The following CCSER1 variants were observed in gnomAD, a reference collection of about 807,000 sequenced individuals.
The protein encoded by CCSER1 is coiled-coil serine rich protein 1.
Under a neutral mutation model 82.0 loss-of-function variants are expected in CCSER1, and 41 were observed. The observed-to-expected ratio is 0.50, with a 90% CI of 0.39 to 0.65. The LOEUF (loss-of-function observed/expected upper bound fraction) is 0.65. CCSER1 is among the 30% of genes least tolerant of loss of function. The probability of loss-of-function intolerance (pLI) is 0.00; values close to 1 mark genes in which losing one functional copy is unlikely to be tolerated. For missense variants in CCSER1, 1,119 were observed against 1,064.2 expected, an observed-to-expected ratio of 1.05 and a Z score of -0.72; for synonymous variants, 414 against 383.9, an observed-to-expected ratio of 1.08 and a Z score of -0.92.
intron 3 of CCSER1, among the ~76,000 whole-genome samples, chr4:90,385,195 G>A (rs1234222789): frequency 6.6e-6 from 1 of 152,042 alleles, no homozygotes; most frequent in Non-Finnish European, 1.5e-5. Flanking sequence ...AAAAATATAA[G>A]TGCAGGTGTC....
intron 1 of CCSER1, among the ~76,000 whole-genome samples, chr4:90,306,271 A>AT (rs1044969541): frequency 1.3e-5 from 2 of 152,160 alleles, no homozygotes; most frequent in African/African-American, 4.8e-5. Flanking sequence ...TTAGAGGTTG[A>AT]TTCGACAGCA....
At chr4:91,342,118 C>T (rs940001122) in intron 10 of CCSER1, among the ~76,000 whole-genome samples, 4 of 152,132 alleles carry the variant, frequency 2.6e-5, no homozygotes, top group African/African-American at 4.8e-5. Flanking sequence ...GGAAACTTCA[C>T]TACACTAAGC....
At chr4:90,764,470 A>C (rs1227428385) in intron 7 of CCSER1, among the ~76,000 whole-genome samples, 2 of 152,134 alleles carry the variant, frequency 1.3e-5, no homozygotes, top group Non-Finnish European at 2.9e-5. Context: ...AATTTTTCTT[A>C]GGTGTTTTAT....
chr4:91,451,060 G>A (rs1755844618), intron 10 of CCSER1, among the ~76,000 whole-genome samples: 1 of 141,926 alleles, frequency 7.0e-6, no homozygotes, highest in Non-Finnish European at 1.5e-5. Flanking sequence ...CAGATTCAGT[G>A]TCCGGTGAAT....
intron 10 of CCSER1, among the ~76,000 whole-genome samples, chr4:91,235,877 A>T (rs1346697077): frequency 6.6e-6 from 1 of 152,220 alleles, no homozygotes; most frequent in East Asian, 1.9e-4. Flanking sequence ...GGATTAAAAA[A>T]TAACTGAATT....
chr4:90,698,170 A>G lies in CCSER1; in HGVS notation c.1933-25744A>G, dbSNP rs570738765. ...AAGGGATTCTTGGAAAACAGATTACAGTTTTTTATCTTGAGAGGGACTTAA... is the reference window on the plus strand; with the variant it reads ...AAGGGATTCTTGGAAAACAGATTACGGTTTTTTATCTTGAGAGGGACTTAA... On this transcript the variant is annotated intron_variant, in intron 6 of 10. Coordinates refer to ENST00000509176, the MANE Select transcript of CCSER1 (RefSeq NM_001145065.2). Among the ~76,000 whole-genome samples the G allele has an allele frequency of 3.9e-5, 6 of 152,296 alleles. No individual in the cohort carries two copies. In the East Asian group the frequency reaches 1.2e-3, roughly 29 times the overall value.
chr4:91,282,106 A>T (rs1528566), intron 10 of CCSER1, among the ~76,000 whole-genome samples: 9,106 of 152,194 alleles, frequency 0.06, 512 homozygotes, highest in African/African-American at 0.15. Context: ...ATAACTTTTT[A>T]AAAAAATCAG....
At chr4:91,132,179 G>A (rs1243871384) in intron 10 of CCSER1, among the ~76,000 whole-genome samples, 1 of 151,898 alleles carries the variant, frequency 6.6e-6, no homozygotes, top group Admixed American at 6.6e-5. Flanking sequence ...GTTTAAATTG[G>A]CTTGTTGTTC....
intron 5 of CCSER1, among the ~76,000 whole-genome samples, chr4:90,533,603 T>C (rs1774916428): frequency 6.6e-6 from 1 of 152,240 alleles, no homozygotes; most frequent in Admixed American, 6.5e-5. Context: ...TTATAACTGA[T>C]ACTTGTAGAA....
At chr4:91,437,897 T>A (rs1392650349) in intron 10 of CCSER1, among the ~76,000 whole-genome samples, 1 of 152,094 alleles carries the variant, frequency 6.6e-6, no homozygotes, top group African/African-American at 2.4e-5. Context: ...CAGTCTGAGA[T>A]CAAACTGCAA....
chr4:91,089,820 T>C lies in CCSER1; in HGVS notation c.2217+3826T>C, dbSNP rs1314365789. Among the ~76,000 whole-genome samples the C allele has an allele frequency of 7.8e-4, 119 of 152,298 alleles. 1 individual carries two copies. Among genetic ancestry groups the C allele is most frequent in the Non-Finnish European group, 8.8e-5 (6 of 68,026 alleles). ...ATGGGTACATGTGCCAGTTTTGTTATATCTTTAAATATGTCTTCAACTACT... is the reference window on the plus strand; with the variant it reads ...ATGGGTACATGTGCCAGTTTTGTTACATCTTTAAATATGTCTTCAACTACT... On this transcript the variant is annotated intron_variant, in intron 10 of 10. Transcript: ENST00000509176.
chr4:90,691,642 T>A (rs964106679), intron 6 of CCSER1, among the ~76,000 whole-genome samples: 3 of 151,846 alleles, frequency 2.0e-5, no homozygotes, highest in African/African-American at 7.3e-5. Flanking sequence ...ATATATCACA[T>A]GTATATATAC....
At chr4:90,665,616 C>T (rs1001015865) in intron 6 of CCSER1, among the ~76,000 whole-genome samples, 4 of 152,098 alleles carry the variant, frequency 2.6e-5, no homozygotes, top group South Asian at 2.1e-4. Flanking sequence ...CCAGCGCCTC[C>T]GGCCATATGC....
chr4:90,850,606 G>A (rs1025511389), intron 8 of CCSER1, among the ~76,000 whole-genome samples: 1 of 152,230 alleles, frequency 6.6e-6, no homozygotes, highest in African/African-American at 2.4e-5. Context: ...CTTGCATGGG[G>A]CCTATAGCCC....
intron 10 of CCSER1, among the ~76,000 whole-genome samples, chr4:91,475,530 G>A (rs1047515720): frequency 1.3e-5 from 2 of 151,772 alleles, no homozygotes; most frequent in African/African-American, 4.8e-5. Flanking sequence ...ACAGAGTTTT[G>A]AGATGTGTTA....
At chr4:91,047,556 G>C (rs916506007) in intron 9 of CCSER1, among the ~76,000 whole-genome samples, 9 of 152,030 alleles carry the variant, frequency 5.9e-5, no homozygotes, top group East Asian at 1.9e-4. Flanking sequence ...TTCCATTTCT[G>C]ATTACTTGCA....
intron 10 of CCSER1, among the ~76,000 whole-genome samples, chr4:91,196,260 G>A (rs1368349318): frequency 2.0e-5 from 3 of 151,580 alleles, no homozygotes; most frequent in Non-Finnish European, 4.4e-5. Context: ...GCCCAAGAAG[G>A]TCAATGCAGC....
chr4:91,258,965 G>A lies in CCSER1; in HGVS notation c.2217+172971G>A, dbSNP rs534772171. Among the ~76,000 whole-genome samples, 66 of 152,106 alleles carry A rather than the reference G, an allele frequency of 4.3e-4. No homozygotes were observed. The South Asian group carries it at 0.013, about 30-fold the overall frequency. ...ATCTATGAAGTAGGAACCTGAGAGC[G>A]ATTGCTCAAAAATGACTTTAAATTC... On this transcript the variant is annotated intron_variant, in intron 10 of 10. Coordinates refer to ENST00000509176, the MANE Select transcript of CCSER1 (RefSeq NM_001145065.2).
At chr4:91,158,105 T>G (rs1003336546) in intron 10 of CCSER1, among the ~76,000 whole-genome samples, 9 of 151,962 alleles carry the variant, frequency 5.9e-5, no homozygotes, top group Non-Finnish European at 1.0e-4. Flanking sequence ...TCAGATGAAG[T>G]TTCAGTGTTA....
Sources: allele counts gnomAD v4.1 joint callset (sites outside exome capture counted in the v4.1 genomes callset), GRCh38; gene constraint gnomAD v4.1.1; transcripts MANE v1.5; gene names NCBI Gene and HGNC (gene_info 2026-07-23, HGNC 2026-07-21).